PARD3B: variants seen among roughly 807,000 people sequenced by gnomAD.
PARD3B encodes partitioning defective 3 homolog B.
PARD3B carries 103 observed loss-of-function variants against 130.2 expected under a neutral mutation model. That is an observed-to-expected ratio of 0.79 (90% CI 0.67 to 0.93). PARD3B has a LOEUF of 0.93. Ranked by LOEUF, PARD3B falls within the 40% of genes least tolerant of loss-of-function variation. The pLI, the probability that PARD3B is intolerant of heterozygous loss-of-function variation, is 0.00. For missense variants in PARD3B, 1,609 were observed against 1,499.2 expected (o/e 1.07, Z -1.21); for synonymous variants, 583 against 553.2 (o/e 1.05, Z -0.76).
intron 4 of PARD3B, among the ~76,000 whole-genome samples, chr2:205,060,703 T>C (rs549843366): frequency 1.3e-5 from 2 of 152,242 alleles, no homozygotes; most frequent in East Asian, 3.9e-4. Flanking sequence ...TAATTAAAGG[T>C]CTTTTATAAT....
chr2:204,596,031 CAATT>C (rs767029180), intron 1 of PARD3B, among the ~76,000 whole-genome samples: 3 of 152,268 alleles, frequency 2.0e-5, no homozygotes, highest in Admixed American at 6.5e-5. Flanking sequence ...GGTGTAAAGA[CAATT>C]AAGTAAAAAC....
At chr2:205,379,144 T>G (rs1206275268) in intron 18 of PARD3B, among the ~76,000 whole-genome samples, 4 of 152,150 alleles carry the variant, frequency 2.6e-5, no homozygotes, top group South Asian at 2.1e-4. Flanking sequence ...GTACTGAATT[T>G]GAAACACATG....
chr2:204,869,782 C>G (rs1423162078), intron 2 of PARD3B, among the ~76,000 whole-genome samples: 1 of 151,956 alleles, frequency 6.6e-6, no homozygotes, highest in South Asian at 2.1e-4. Flanking sequence ...TCATCTCTAC[C>G]CTTAACTTTT....
intron 2 of PARD3B, among the ~76,000 whole-genome samples, chr2:204,738,470 TA>T (rs1198998026): frequency 6.6e-6 from 1 of 152,192 alleles, no homozygotes; most frequent in Non-Finnish European, 1.5e-5. Context: ...GCTAGAGTAT[TA>T]GCTTTATATT....
chr2:204,695,819 G>C (rs1381040711), intron 2 of PARD3B, among the ~76,000 whole-genome samples: 2 of 152,010 alleles, frequency 1.3e-5, no homozygotes, highest in Non-Finnish European at 2.9e-5. Context: ...ATGTCAAAAG[G>C]CCACTCTTCT....
At position 205,533,705 on chromosome 2, in the gene PARD3B, A is replaced by C. The variant is rs146089296; in HGVS notation, c.3181-19619A>C. On this transcript the variant is annotated intron_variant, in intron 21 of 22. Transcript: ENST00000406610. Reference sequence around the variant, plus strand: ...CTTACAAAAAGACATAGATTTTAACATTCAATGGTTTTGGGGGTTTTTTGT... The same window carrying C: ...CTTACAAAAAGACATAGATTTTAACCTTCAATGGTTTTGGGGGTTTTTTGT... 4.6e-5 allele frequency among the ~76,000 whole-genome samples: 7 copies of C among 152,226 alleles called. No homozygotes were observed. The East Asian group carries it at 1.3e-3, about 29-fold the overall frequency.
At chr2:204,983,124 G>A (rs1692818357) in intron 3 of PARD3B, among the ~76,000 whole-genome samples, 1 of 152,084 alleles carries the variant, frequency 6.6e-6, no homozygotes, top group South Asian at 2.1e-4. Flanking sequence ...TCTTAGCTCG[G>A]TGACCTGAAG....
chr2:204,582,153 A>G (rs2125082374), intron 1 of PARD3B, among the ~76,000 whole-genome samples: 1 of 152,240 alleles, frequency 6.6e-6, no homozygotes, highest in South Asian at 2.1e-4. Flanking sequence ...GAACTCCCAG[A>G]GCTCTGCATA....
At chr2:205,256,588 T>G (rs561602746) in intron 16 of PARD3B, among the ~76,000 whole-genome samples, 1 of 152,342 alleles carries the variant, frequency 6.6e-6, no homozygotes, top group African/African-American at 2.4e-5. Context: ...ATTTGAGTTT[T>G]ACATTCAGAC....
At chr2:205,395,273 C>T (rs1389601925) in intron 18 of PARD3B, among the ~76,000 whole-genome samples, 1 of 152,182 alleles carries the variant, frequency 6.6e-6, no homozygotes, top group African/African-American at 2.4e-5. Flanking sequence ...CACACTACTC[C>T]GCTGACCCTT....
In PARD3B at chr2:205,250,600, A is replaced by G. The variant is rs113237228; in HGVS notation, c.2185+4778A>G. On this transcript the variant is annotated intron_variant, in intron 16 of 22. Transcript: ENST00000406610. ...CTAAGTATGTTTGGTATCCTAACAC[A>G]GTTTGATGAAAAAACTGAAGCTCAG... 1.9e-4 allele frequency among the ~76,000 whole-genome samples: 29 copies of G among 152,280 alleles called. 1 individual carries two copies. Among genetic ancestry groups the G allele is most frequent in the African/African-American group, 7.0e-4 (29 of 41,568 alleles).
intron 2 of PARD3B, among the ~76,000 whole-genome samples, chr2:204,728,306 A>G (rs1036598620): frequency 3.9e-5 from 6 of 152,168 alleles, no homozygotes; most frequent in Non-Finnish European, 5.9e-5. Flanking sequence ...ATAGTGAACA[A>G]TGGTCAAGGA....
At chr2:205,138,926 T>A (rs566147382) in intron 10 of PARD3B, among the ~76,000 whole-genome samples, 84 of 152,286 alleles carry the variant, frequency 5.5e-4, no homozygotes, top group Non-Finnish European at 7.9e-4. Flanking sequence ...ATGGAGCCCT[T>A]CCTCCAATCC....
chr2:204,966,499 A>C (rs1281301196), intron 3 of PARD3B, among the ~76,000 whole-genome samples: 1 of 152,164 alleles, frequency 6.6e-6, no homozygotes, highest in Non-Finnish European at 1.5e-5. Context: ...TCCATTATGC[A>C]AATGGTATGA....
At chr2:205,375,000 G>A (rs565302680) in intron 18 of PARD3B, among the ~76,000 whole-genome samples, 6 of 152,120 alleles carry the variant, frequency 3.9e-5, no homozygotes, top group African/African-American at 2.4e-5. Context: ...AATTTTAATA[G>A]CACTTTATGG....
chr2:204,611,419 C>A (rs755508652), intron 1 of PARD3B, among the ~76,000 whole-genome samples: 34 of 152,198 alleles, frequency 2.2e-4, no homozygotes, highest in Admixed American at 7.2e-4. Flanking sequence ...TACCTTTTAT[C>A]TCGCTTTCGA....
At chr2:204,969,262 T>C (rs1244918994) in intron 3 of PARD3B, among the ~76,000 whole-genome samples, 1 of 152,242 alleles carries the variant, frequency 6.6e-6, no homozygotes, top group Non-Finnish European at 1.5e-5. Context: ...AGGGTTTCAA[T>C]GGATGCTTGA....
At chr2:205,598,205 G>T (rs1488270090) in intron 22 of PARD3B, among the ~76,000 whole-genome samples, 2 of 152,176 alleles carry the variant, frequency 1.3e-5, no homozygotes, top group Non-Finnish European at 2.9e-5. Flanking sequence ...GCTGTCTGCT[G>T]TCTTCAAGGG....
At chr2:205,279,091 A>AAAAAC (rs2041087053) in intron 16 of PARD3B, among the ~76,000 whole-genome samples, 1 of 150,282 alleles carries the variant, frequency 6.7e-6, no homozygotes, top group Non-Finnish European at 1.5e-5. Context: ...AAAAAAAAAA[A>AAAAAC]AAAAACAGTT....
Sources: allele counts gnomAD v4.1 joint callset (sites outside exome capture counted in the v4.1 genomes callset), GRCh38; gene constraint gnomAD v4.1.1; transcripts MANE v1.5; gene names NCBI Gene and HGNC (gene_info 2026-07-23, HGNC 2026-07-21).